Variants in KIRREL3 observed in about 807,000 individuals in gnomAD.
KIRREL3 encodes kirre like nephrin family adhesion molecule 3, also known as kin of IRRE-like protein 3.
Under a neutral mutation model 89.7 loss-of-function variants are expected in KIRREL3, and 36 were observed. The observed-to-expected ratio is 0.40, with a 90% CI of 0.31 to 0.53. KIRREL3 has a LOEUF of 0.53. Ranked by LOEUF, KIRREL3 falls within the 20% of genes least tolerant of loss-of-function variation. The probability of loss-of-function intolerance (pLI) is 0.49; values close to 1 mark genes in which losing one functional copy is unlikely to be tolerated. For synonymous variants in KIRREL3, 445 were observed against 441.4 expected (o/e 1.01, Z -0.10); for missense variants, 864 against 1,056.6 (o/e 0.82, Z 2.53).
chr11:126,966,153 A>T (rs1949263356), intron 1 of KIRREL3, among the ~76,000 whole-genome samples: 1 of 152,180 alleles, frequency 6.6e-6, no homozygotes, highest in Non-Finnish European at 1.5e-5. Context: ...TTGGAATTGT[A>T]GCTGTTACCC....
At position 126,738,044 on chromosome 11, in the gene KIRREL3, T is replaced by G. The variant is rs561745406; in HGVS notation, c.56-175132A>C. 7.2e-5 allele frequency among the ~76,000 whole-genome samples: 11 copies of G among 152,240 alleles called. No homozygotes were observed. In the South Asian group the frequency reaches 2.3e-3, roughly 32 times the overall value. ...TCCCTTCCCACTACCCTTCCCAGCT[T>G]CTGGTAACCATCATTCTCCTTAGTG... is the stretch of plus-strand genomic sequence containing the variant. On this transcript the variant is annotated intron_variant, in intron 1 of 16. Transcript: ENST00000525144.
At chr11:126,691,840 A>T (rs7121383) in intron 1 of KIRREL3, among the ~76,000 whole-genome samples, 2,721 of 152,164 alleles carry the variant, frequency 0.018, 69 homozygotes, top group African/African-American at 0.063. Flanking sequence ...AACCAGATTT[A>T]AAAAAAATGG....
At position 126,896,489 on chromosome 11, in the gene KIRREL3, C is replaced by G. The variant is rs1247801848; in HGVS notation, c.55+103966G>C. ...GGCATGCTGTCATCAGACTTCCAAT[C>G]TTTACTCTGAATGAGAAAAACATCA... On this transcript the variant is annotated intron_variant, in intron 1 of 16. Transcript: ENST00000525144. This position sits in a 1 kb window ranked among gnomAD's most constrained non-coding sequence, Gnocchi z 4.1. 6.6e-6 allele frequency among the ~76,000 whole-genome samples: 1 copy of G among 152,200 alleles called. No individual in the cohort carries two copies. Among genetic ancestry groups the G allele is most frequent in the Non-Finnish European group, 1.5e-5 (1 of 68,038 alleles).
Position 126,948,570 on chromosome 11 carries a change from G to A in KIRREL3, c.55+51885C>T, listed in dbSNP as rs1381812498. On this transcript the variant is annotated intron_variant, in intron 1 of 16. Transcript: ENST00000525144. The surrounding 1 kb of genome is among the most constrained non-coding windows in gnomAD (Gnocchi z 4.5). Reference sequence around the variant, plus strand: ...TGAGGGATTTTAGGCTTCCCAAAAAGCATAAAAAGCAGTTAAGCATTTAAA... The same window carrying A: ...TGAGGGATTTTAGGCTTCCCAAAAAACATAAAAAGCAGTTAAGCATTTAAA... Among the ~76,000 whole-genome samples, 1 of 152,192 alleles carries A rather than the reference G, an allele frequency of 6.6e-6. No individual in the cohort carries two copies. Among genetic ancestry groups the A allele is most frequent in the Non-Finnish European group, 1.5e-5 (1 of 68,022 alleles).
intron 1 of KIRREL3, among the ~76,000 whole-genome samples, chr11:126,595,266 G>A (rs1942342347): frequency 6.6e-6 from 1 of 152,166 alleles, no homozygotes; most frequent in African/African-American, 2.4e-5. Context: ...CTCCAGCCTG[G>A]CTCTGGAGAA....
rs181487633 is a variant in KIRREL3 at position 126,736,671 on chromosome 11, A to C, written c.56-173759T>G. On this transcript the variant is annotated intron_variant, in intron 1 of 16. Coordinates refer to ENST00000525144, the MANE Select transcript of KIRREL3 (RefSeq NM_032531.4). The surrounding 1 kb of genome is among the most constrained non-coding windows in gnomAD (Gnocchi z 5.0). ...CTCTGCAATGCACAGGCCAGCCCCC[A>C]TGACAAGGATTATCCTACCCAAAAC... Among the ~76,000 whole-genome samples, 3 of 152,214 alleles carry C rather than the reference A, an allele frequency of 2.0e-5. No homozygotes were observed. The highest frequency in any genetic ancestry group is 2.9e-5 in the Non-Finnish European group (2 of 68,030).
In KIRREL3 at chr11:126,682,523, CT is replaced by C. The variant is rs2135105213; in HGVS notation, c.56-119612del. On this transcript the variant is annotated intron_variant, in intron 1 of 16. Transcript: ENST00000525144. The surrounding 1 kb of genome is among the most constrained non-coding windows in gnomAD (Gnocchi z 4.8). ...TGAGTGATGACCTCTGAGTGCGGAG[CT>C]TTTTTGTCAATTTTTTAAAGACAGT... Among the ~76,000 whole-genome samples the C allele has an allele frequency of 6.6e-6, 1 of 152,192 alleles. No homozygotes were observed. Among genetic ancestry groups the C allele is most frequent in the Non-Finnish European group, 1.5e-5 (1 of 67,990 alleles).
At chr11:126,648,627 T>A (rs1472363944) in intron 1 of KIRREL3, among the ~76,000 whole-genome samples, 1 of 152,258 alleles carries the variant, frequency 6.6e-6, no homozygotes, top group Non-Finnish European at 1.5e-5. Context: ...TCTTAGCTAT[T>A]TGTTTTATTG....
At chr11:126,450,453 CTGTGAG>C (rs1305626193) in intron 7 of KIRREL3, among the ~76,000 whole-genome samples, 1 of 111,362 alleles carries the variant, frequency 9.0e-6, no homozygotes, top group African/African-American at 4.4e-5. Flanking sequence ...ATGTGCGCAT[CTGTGAG>C]TGTGTGAATG....
rs1007065335 is a variant in KIRREL3 at position 126,668,748 on chromosome 11, T to C, written c.56-105836A>G. On this transcript the variant is annotated intron_variant, in intron 1 of 16. Transcript: ENST00000525144. The surrounding 1 kb of genome is among the most constrained non-coding windows in gnomAD (Gnocchi z 4.4). ...TTCTTTCTTTCTTTCTTTCTTTCTT[T>C]CTTTCTTTTTTCTCTTTCTTTCTTT... Among the ~76,000 whole-genome samples the C allele has an allele frequency of 3.4e-5, 5 of 147,138 alleles. No homozygotes were observed. The highest frequency in any genetic ancestry group is 1.0e-4 in the African/African-American group (4 of 39,894).
At chr11:126,845,707 C>A (rs1362290729) in intron 1 of KIRREL3, among the ~76,000 whole-genome samples, 1 of 152,116 alleles carries the variant, frequency 6.6e-6, no homozygotes, top group Admixed American at 6.5e-5. Flanking sequence ...TCTGTTTGAC[C>A]TTTACCATTT....
At chr11:126,536,605 G>C (rs1003262816) in intron 2 of KIRREL3, among the ~76,000 whole-genome samples, 1 of 151,304 alleles carries the variant, frequency 6.6e-6, no homozygotes, top group East Asian at 1.9e-4. Flanking sequence ...ATGTGGGATC[G>C]GGGGTGCTGA....
In KIRREL3 at chr11:126,734,469, G is replaced by A. The variant is rs1948736340; in HGVS notation, c.56-171557C>T. On this transcript the variant is annotated intron_variant, in intron 1 of 16. Coordinates refer to ENST00000525144, the MANE Select transcript of KIRREL3 (RefSeq NM_032531.4). This position sits in a 1 kb window ranked among gnomAD's most constrained non-coding sequence, Gnocchi z 5.9. ...ACCTGAGGTCAGGAGTTCGAGACCA[G>A]CCTGACCAACATGGAGAAACCCTGT... 1.3e-5 allele frequency among the ~76,000 whole-genome samples: 2 copies of A among 152,256 alleles called. No individual in the cohort carries two copies. Among genetic ancestry groups the A allele is most frequent in the South Asian group, 4.1e-4 (2 of 4,820 alleles).
chr11:126,812,980 G>T lies in KIRREL3; in HGVS notation c.55+187475C>A, dbSNP rs1951438319. On this transcript the variant is annotated intron_variant, in intron 1 of 16. Coordinates refer to ENST00000525144, the MANE Select transcript of KIRREL3 (RefSeq NM_032531.4). This position sits in a 1 kb window ranked among gnomAD's most constrained non-coding sequence, Gnocchi z 5.2. ...GAGACCACACTGCAGAACATAATGTGCAGATCAAGGCAATGATGCCTGTTT... is the reference window on the plus strand; with the variant it reads ...GAGACCACACTGCAGAACATAATGTTCAGATCAAGGCAATGATGCCTGTTT... Among the ~76,000 whole-genome samples the T allele has an allele frequency of 6.6e-6, 1 of 152,154 alleles. No homozygotes were observed. The highest frequency in any genetic ancestry group is 2.4e-5 in the African/African-American group (1 of 41,436).
At position 126,477,867 on chromosome 11, in the gene KIRREL3, G is replaced by T. The variant is rs1178711057; in HGVS notation, c.434-4401C>A. On this transcript the variant is annotated intron_variant, in intron 4 of 16. Transcript: ENST00000525144. The surrounding 1 kb of genome is among the most constrained non-coding windows in gnomAD (Gnocchi z 4.8). ...AGCACCACCCTCCTGCCCCCATACT[G>T]CATGGTGGAGAACCTCATAGACACC... Among the ~76,000 whole-genome samples the T allele has an allele frequency of 2.6e-5, 4 of 152,206 alleles. No individual in the cohort carries two copies. Among genetic ancestry groups the T allele is most frequent in the Non-Finnish European group, 1.5e-5 (1 of 68,036 alleles).
chr11:126,593,917 TC>T (rs2134719138), intron 1 of KIRREL3, among the ~76,000 whole-genome samples: 2 of 152,072 alleles, frequency 1.3e-5, no homozygotes, highest in Non-Finnish European at 2.9e-5. Context: ...AATACAACTG[TC>T]CCCCTCCACC....
At chr11:126,479,177 A>G (rs909848484) in intron 4 of KIRREL3, among the ~76,000 whole-genome samples, 1 of 152,034 alleles carries the variant, frequency 6.6e-6, no homozygotes, top group Non-Finnish European at 1.5e-5. Flanking sequence ...CAGTGCTAGG[A>G]GTTCCAGCAC....
intron 9 of KIRREL3, 90 bp downstream of exon 9, chr11:126,446,669 T>C (rs1296109761): frequency 1.4e-5 from 19 of 1,381,474 alleles, no homozygotes; most frequent in Admixed American, 4.3e-5. Context: ...CCCAGTCTAA[T>C]AGTGAGAGGG....
rs571462382 is a variant in KIRREL3 at position 126,571,792 on chromosome 11, A to G, written c.56-8880T>C. 6.6e-6 allele frequency among the ~76,000 whole-genome samples: 1 copy of G among 152,210 alleles called. No homozygotes were observed. The highest frequency in any genetic ancestry group is 1.5e-5 in the Non-Finnish European group (1 of 68,034). ...GGGGGGATGTTAAATAATGTTGGTT[A>G]AAGAATTTTACGGGAAACAGTTTTA... On this transcript the variant is annotated intron_variant, in intron 1 of 16. Coordinates refer to ENST00000525144, the MANE Select transcript of KIRREL3 (RefSeq NM_032531.4). The surrounding 1 kb of genome is among the most constrained non-coding windows in gnomAD (Gnocchi z 7.7).
Sources: allele counts gnomAD v4.1 joint callset (sites outside exome capture counted in the v4.1 genomes callset), GRCh38; gene constraint gnomAD v4.1.1; non-coding constraint Gnocchi (gnomAD v3.1); transcripts MANE v1.5; gene names NCBI Gene and HGNC (gene_info 2026-07-23, HGNC 2026-07-21).